The following PTPRN2 variants were observed in gnomAD, a reference collection of about 807,000 sequenced individuals.
The protein encoded by PTPRN2 is receptor-type tyrosine-protein phosphatase N2.
PTPRN2 carries 74 observed loss-of-function variants against 118.8 expected under a neutral mutation model. The observed-to-expected ratio is 0.62, with a 90% CI of 0.52 to 0.76. The LOEUF (loss-of-function observed/expected upper bound fraction) is 0.76. PTPRN2 is among the 30% of genes least tolerant of loss of function. PTPRN2 has a pLI of 0.00. For synonymous variants in PTPRN2, 641 were observed against 608.0 expected (o/e 1.05, Z -0.80); for missense variants, 1,481 against 1,394.4 (o/e 1.06, Z -0.99).
intron 11 of PTPRN2, among the ~76,000 whole-genome samples, chr7:157,999,097 C>G (rs1191767304): frequency 5.3e-5 from 8 of 152,078 alleles, no homozygotes; most frequent in Non-Finnish European, 1.2e-4. Context: ...CTATGCCCAC[C>G]AAGAGGACCT....
intron 2 of PTPRN2, among the ~76,000 whole-genome samples, chr7:158,412,919 AG>A (rs1470129752): frequency 7.5e-6 from 1 of 132,736 alleles, no homozygotes; most frequent in Non-Finnish European, 1.6e-5. Flanking sequence ...CCTCAACACC[AG>A]GGCCCATCCA....
At chr7:157,771,344 A>G (rs1802790821) in intron 12 of PTPRN2, among the ~76,000 whole-genome samples, 1 of 152,254 alleles carries the variant, frequency 6.6e-6, no homozygotes, top group African/African-American at 2.4e-5. Context: ...ATAATTTGCT[A>G]TGCAGATATA....
chr7:157,630,940 G>T (rs1424517340), intron 14 of PTPRN2, among the ~76,000 whole-genome samples: 1 of 152,172 alleles, frequency 6.6e-6, no homozygotes, highest in African/African-American at 2.4e-5. Context: ...ACTGGGAAGT[G>T]GTCAACACAG....
rs77817932 is a variant in PTPRN2, at chr7:157,801,202, A to T, written c.1788+97471T>A. 9.1e-3 allele frequency among the ~76,000 whole-genome samples: 1,388 copies of T among 152,034 alleles called. 30 individuals carry two copies. The highest frequency in any genetic ancestry group is 0.032 in the African/African-American group (1,337 of 41,480). On this transcript the variant is annotated intron_variant, in intron 12 of 22. Transcript: ENST00000389418. This position sits in a 1 kb window ranked among gnomAD's most constrained non-coding sequence, Gnocchi z 4.2. Reference sequence around the variant, plus strand: ...TGTGCCTCTCATCTGATTCCGCTACACGGTGCAAGTTACGCCAGACCAGAA... The same window carrying T: ...TGTGCCTCTCATCTGATTCCGCTACTCGGTGCAAGTTACGCCAGACCAGAA...
intron 11 of PTPRN2, among the ~76,000 whole-genome samples, chr7:158,001,402 C>T (rs1805251047): frequency 6.6e-6 from 1 of 151,978 alleles, no homozygotes; most frequent in Admixed American, 6.6e-5. Flanking sequence ...AAGCTGGAGC[C>T]TTAAATAATT....
intron 11 of PTPRN2, among the ~76,000 whole-genome samples, chr7:157,923,764 A>T (rs757485350): frequency 1.6e-4 from 24 of 152,190 alleles, no homozygotes; most frequent in Non-Finnish European, 4.4e-5. Context: ...CTGCCTTTAG[A>T]TAAGAAATGT....
intron 2 of PTPRN2, among the ~76,000 whole-genome samples, chr7:158,384,146 G>A (rs773355884): frequency 2.6e-5 from 4 of 152,174 alleles, no homozygotes; most frequent in Admixed American, 6.5e-5. Flanking sequence ...TGCTGGGCTC[G>A]CTCAAGGTAC....
At chr7:158,280,684 T>A (rs1799364384) in intron 3 of PTPRN2, among the ~76,000 whole-genome samples, 1 of 151,472 alleles carries the variant, frequency 6.6e-6, no homozygotes, top group Non-Finnish European at 1.5e-5. Context: ...GTGGAGTTTC[T>A]CCACCGTCAT....
chr7:158,048,770 CCAT>C (rs1382875382), intron 11 of PTPRN2, among the ~76,000 whole-genome samples: 1 of 151,704 alleles, frequency 6.6e-6, no homozygotes, highest in Non-Finnish European at 1.5e-5. Context: ...ATCACCCTCA[CCAT>C]CATCACTATC....
intron 11 of PTPRN2, among the ~76,000 whole-genome samples, chr7:158,034,531 C>T (rs898089794): frequency 2.0e-5 from 3 of 151,802 alleles, no homozygotes; most frequent in Admixed American, 1.3e-4. Context: ...CTTGCTCCTC[C>T]TTGCCTTCCA....
chr7:157,791,554 C>T (rs1324933849), intron 12 of PTPRN2, among the ~76,000 whole-genome samples: 2 of 144,566 alleles, frequency 1.4e-5, no homozygotes, highest in Non-Finnish European at 3.0e-5. Flanking sequence ...CACCCACCTG[C>T]CCCCCCTCCC....
chr7:157,793,618 G>A (rs1804666585), intron 12 of PTPRN2, among the ~76,000 whole-genome samples: 1 of 152,174 alleles, frequency 6.6e-6, no homozygotes, highest in Admixed American at 6.5e-5. Context: ...CCGGCTGTCA[G>A]GAGCAATGGT....
intron 2 of PTPRN2, among the ~76,000 whole-genome samples, chr7:158,472,812 T>C (rs977494061): frequency 6.6e-6 from 1 of 152,178 alleles, no homozygotes; most frequent in African/African-American, 2.4e-5. Flanking sequence ...GCCGTCCACA[T>C]TTCCTCCCAA....
intron 11 of PTPRN2, among the ~76,000 whole-genome samples, chr7:158,067,987 T>G (rs531497379): frequency 3.9e-5 from 6 of 152,006 alleles, no homozygotes; most frequent in Non-Finnish European, 7.4e-5. Context: ...GCTCTTCCTG[T>G]GGGGTGGCAT....
intron 11 of PTPRN2, chr7:158,027,571 C>G (rs1228634359): frequency 6.6e-6 from 1 of 152,296 alleles, no homozygotes; most frequent in Admixed American, 6.5e-5. Flanking sequence ...CCACAATCCT[C>G]TATCCTGACA....
chr7:157,563,587 G>A (rs79030937), intron 21 of PTPRN2, among the ~76,000 whole-genome samples: 6 of 117,822 alleles, frequency 5.1e-5, no homozygotes, highest in African/African-American at 9.9e-5. Flanking sequence ...ACGTGCTCCC[G>A]CATCACCACA....
rs145196755 is a variant in PTPRN2 at position 157,834,933 on chromosome 7, G to A, written c.1788+63740C>T. Among the ~76,000 whole-genome samples, 7 of 152,300 alleles carry A rather than the reference G, an allele frequency of 4.6e-5. No homozygotes were observed. In the East Asian group the frequency reaches 1.4e-3, roughly 29 times the overall value. On this transcript the variant is annotated intron_variant, in intron 12 of 22. Transcript: ENST00000389418. ...ACATTGACCTGTCCGCCTACTCCCC[G>A]AGCCACAGATCTGGGGAAAGAATGC...
chr7:157,789,729 CTGTGGGGTACATGTGTGGTGTG>C (rs1434205739), intron 12 of PTPRN2, among the ~76,000 whole-genome samples: 9 of 127,598 alleles, frequency 7.1e-5, no homozygotes, highest in African/African-American at 2.7e-4. Context: ...GTGTGTGTGT[CTGTGGGGTACATGTGTGGTGTG>C]TGTGGGGTAT....
At chr7:158,263,736 C>A (rs1286805769) in intron 3 of PTPRN2, among the ~76,000 whole-genome samples, 1 of 152,244 alleles carries the variant, frequency 6.6e-6, no homozygotes. Flanking sequence ...CTTTTCCCAC[C>A]AGGGACCCCT....
Sources: allele counts gnomAD v4.1 joint callset (sites outside exome capture counted in the v4.1 genomes callset), GRCh38; gene constraint gnomAD v4.1.1; non-coding constraint Gnocchi (gnomAD v3.1); transcripts MANE v1.5; gene names NCBI Gene and HGNC (gene_info 2026-07-23, HGNC 2026-07-21).